The following CFAP92 variants were observed in gnomAD, a reference collection of about 807,000 sequenced individuals.
CFAP92 encodes the protein uncharacterized protein CFAP92.
Under a neutral mutation model 106.3 loss-of-function variants are expected in CFAP92, and 86 were observed. The ratio of observed to expected loss-of-function variants is 0.81; its 90% CI spans 0.68 to 0.97. CFAP92 has a LOEUF of 0.97. Among genes scored for constraint, CFAP92 ranks in the 50% least tolerant of loss-of-function variants. CFAP92 has a pLI of 0.00. For missense variants in CFAP92, 1,204 were observed against 1,283.8 expected, an observed-to-expected ratio of 0.94 and a Z score of 0.95; for synonymous variants, 477 against 506.4, an observed-to-expected ratio of 0.94 and a Z score of 0.78.
In CFAP92 at chr3:128,978,025, C is replaced by T; in HGVS notation, c.808+20G>A. ...CATCGCCTTGCACTCAGCTTGTCCA[C>T]AAAGGCCTTCTCCGCTCACCTTGCA... is the stretch of plus-strand genomic sequence containing the variant. On this transcript the variant is annotated intron_variant, in intron 5 of 15. Transcript: ENST00000645291. 1 of 1,613,582 alleles carries T rather than the reference C, an allele frequency of 6.2e-7. No homozygotes were observed. Among genetic ancestry groups the T allele is most frequent in the Non-Finnish European group, 8.5e-7 (1 of 1,179,666 alleles).
At chr3:129,005,982 C>T (rs1312730434), upstream of CFAP92, among the ~76,000 whole-genome samples, 1 of 152,268 alleles carries the variant, frequency 6.6e-6, no homozygotes, top group Non-Finnish European at 1.5e-5. Flanking sequence ...CTACAAGTGA[C>T]TACAAACATT....
chr3:128,978,219 A>G, intron 4 of CFAP92, 34 bp from the exon 5 acceptor site: 1 of 1,597,630 alleles, frequency 6.3e-7, no homozygotes, highest in Non-Finnish European at 8.5e-7. Flanking sequence ...TCATTGACTC[A>G]ATCAATCCAA....
At chr3:128,931,079 T>C (rs554537054) in intron 12 of CFAP92, among the ~76,000 whole-genome samples, 4 of 152,206 alleles carry the variant, frequency 2.6e-5, no homozygotes, top group South Asian at 2.1e-4. Context: ...CTAATTTTAG[T>C]ATTTTTAGTA....
At chr3:129,013,943 G>A in the CFAP92 span, among the ~76,000 whole-genome samples, 4 of 152,328 alleles carry the variant, frequency 2.6e-5, no homozygotes, top group African/African-American at 4.8e-5. Flanking sequence ...GGGCAGGAGC[G>A]ACTGTCAGAA....
chr3:129,010,509 AG>A, the CFAP92 span, among the ~76,000 whole-genome samples: 1 of 70,388 alleles, frequency 1.4e-5, no homozygotes, highest in Non-Finnish European at 2.8e-5. The surrounding 1 kb of genome is among the most constrained non-coding windows in gnomAD (Gnocchi z 4.3). Context: ...GATGGAGGAA[AG>A]GGGGTGGGAG....
At chr3:128,994,183 C>G (rs1037352862), upstream of CFAP92, 1 of 983,216 alleles carries the variant, frequency 1.0e-6, no homozygotes, top group Non-Finnish European at 1.2e-6. Context: ...CGGGGCTCCG[C>G]GGGGCGGGGC....
the CFAP92 span, among the ~76,000 whole-genome samples, chr3:129,012,288 A>G: frequency 1.3e-5 from 2 of 152,198 alleles, no homozygotes; most frequent in African/African-American, 4.8e-5. Context: ...AGCATTTAGA[A>G]TGATGCCTGG....
At chr3:128,921,374 G>T (rs1377674920) in intron 12 of CFAP92, among the ~76,000 whole-genome samples, 1 of 152,210 alleles carries the variant, frequency 6.6e-6, no homozygotes, top group Non-Finnish European at 1.5e-5. Context: ...TTCTGCTCAG[G>T]ATGTTTTAAT....
intron 10 of CFAP92, among the ~76,000 whole-genome samples, chr3:128,944,438 C>T (rs1272719562): frequency 6.6e-6 from 1 of 152,146 alleles, no homozygotes. Context: ...CTCCGGGACT[C>T]CCCACTGCAT....
At position 128,993,145 on chromosome 3, in the gene CFAP92, T is replaced by G; in HGVS notation, c.160A>C (p.Ser54Arg). ...QESDSDRPCS[S>R]IESSSEPAST... ...GCAGGCTCAGATGAGGACTCGATGC[T>G]GCTGCACGGGCGGTCAGAGTCAGAC... Residue 54 changes from serine to arginine, a missense_variant, in exon 2 of 16, where the codon AGC becomes CGC. Ser to Arg is a moderately radical substitution (Grantham distance 110, BLOSUM62 -1). Coordinates refer to ENST00000645291, the MANE Select transcript of CFAP92 (RefSeq NM_001394090.1). 6.2e-7 allele frequency: 1 copy of G among 1,614,072 alleles called. No individual in the cohort carries two copies. The highest frequency in any genetic ancestry group is 8.5e-7 in the Non-Finnish European group (1 of 1,179,888).
chr3:128,912,449 A>G (rs557269515), intron 15 of CFAP92: 2 of 1,512,984 alleles, frequency 1.3e-6, no homozygotes, highest in Non-Finnish European at 1.8e-6. Flanking sequence ...CACTTCAGCC[A>G]TGTTTGTCTT....
rs74872884 is a variant in CFAP92, at chr3:128,952,175, G to A, written c.1354-6200C>T. 5.6e-3 allele frequency among the ~76,000 whole-genome samples: 825 copies of A among 147,372 alleles called. 7 individuals are homozygous for A. Among genetic ancestry groups the A allele is most frequent in the African/African-American group, 0.02 (802 of 39,724 alleles). ...TGAGAGACAGGGTCTCTGTCATCCA[G>A]GCTGGAGTGCAGTGGTGCAATCATA... is the stretch of plus-strand genomic sequence containing the variant. On this transcript the variant is annotated intron_variant, in intron 9 of 15. Coordinates refer to ENST00000645291, the MANE Select transcript of CFAP92 (RefSeq NM_001394090.1).
the CFAP92 span, among the ~76,000 whole-genome samples, chr3:129,019,791 T>C: frequency 1.4e-5 from 2 of 138,148 alleles, no homozygotes; most frequent in African/African-American, 5.3e-5. Flanking sequence ...TTTTTGAGAC[T>C]GAGTTTCGCT....
At position 128,938,652 on chromosome 3, in the gene CFAP92, C is replaced by T. The variant is rs187612992; in HGVS notation, c.2259-3333G>A. On this transcript the variant is annotated intron_variant, in intron 10 of 15. Coordinates refer to ENST00000645291, the MANE Select transcript of CFAP92 (RefSeq NM_001394090.1). ...GGGACTACAGGCGCCCACCACCACG[C>T]CCGGCTAATTTTTGTATTTTTAGTA... Among the ~76,000 whole-genome samples the T allele has an allele frequency of 4.8e-3, 732 of 152,072 alleles. 8 individuals carry two copies. The highest frequency in any genetic ancestry group is 0.017 in the African/African-American group (697 of 41,474).
chr3:128,978,008 T>A (rs759704604), intron 5 of CFAP92, 37 bp downstream of exon 5: 12 of 1,612,738 alleles, frequency 7.4e-6, no homozygotes, highest in Non-Finnish European at 1.0e-5. Context: ...GCCATCGCCT[T>A]GCACTCAGCT....
At chr3:128,959,692 G>GACCTGCATGTGAAGAGC (rs1387575089) in intron 9 of CFAP92, among the ~76,000 whole-genome samples, 3 of 152,224 alleles carry the variant, frequency 2.0e-5, no homozygotes, top group Non-Finnish European at 4.4e-5. Context: ...GGAGGTTCAT[G>GACCTGCATGTGAAGAGC]ACCTGCATGT....
intron 4 of CFAP92, among the ~76,000 whole-genome samples, chr3:128,984,601 G>T (rs962428361): frequency 6.6e-6 from 1 of 152,140 alleles, no homozygotes. Context: ...TTTGGGACTC[G>T]GACTGGCTTC....
At chr3:128,925,098 T>G (rs1937562315) in intron 12 of CFAP92, among the ~76,000 whole-genome samples, 1 of 152,190 alleles carries the variant, frequency 6.6e-6, no homozygotes, top group African/African-American at 2.4e-5. Context: ...GGGATAAGAT[T>G]AGTGATTTAG....
chr3:128,963,835 C>A (rs1241869416), intron 9 of CFAP92, among the ~76,000 whole-genome samples: 9 of 150,460 alleles, frequency 6.0e-5, no homozygotes, highest in Non-Finnish European at 8.9e-5. Flanking sequence ...TCTACTACTC[C>A]TCAGGGATTA....
Sources: gnomAD v4.1 joint callset for allele counts (sites outside exome capture counted in the v4.1 genomes callset) on GRCh38, gnomAD v4.1.1 for gene constraint, Gnocchi (gnomAD v3.1) non-coding constraint, MANE v1.5 for transcripts, NCBI Gene and HGNC (gene_info 2026-07-23, HGNC 2026-07-21) for gene names.